EYS: variants seen among roughly 807,000 people sequenced by gnomAD.
EYS encodes protein eyes shut homolog.
Under a neutral mutation model 282.1 loss-of-function variants are expected in EYS, and 250 were observed. That is an observed-to-expected ratio of 0.89 (90% confidence interval 0.80 to 0.98). The LOEUF (loss-of-function observed/expected upper bound fraction) is 0.98, where lower values mean the gene tolerates loss of function less well. Ranked by LOEUF, EYS falls within the 50% of genes least tolerant of loss-of-function variation. The pLI is 0.00. For missense variants in EYS, 4,016 were observed against 3,709.0 expected, an observed-to-expected ratio of 1.08 and a Z score of -2.15; for synonymous variants, 1,355 against 1,282.9, an observed-to-expected ratio of 1.06 and a Z score of -1.20.
Position 64,933,692 on chromosome 6 carries a change from A to G in EYS, c.2381+12101T>C, listed in dbSNP as rs551480896. On this transcript the variant is annotated intron_variant, in intron 15 of 42. Transcript: ENST00000503581. ...TAAAAACACATCCACACGTATGTTT[A>G]TTGCAACACTGTTCACAAAGCAAAG... is the stretch of plus-strand genomic sequence containing the variant. Among the ~76,000 whole-genome samples the G allele has an allele frequency of 7.2e-5, 11 of 152,306 alleles. No individual in the cohort carries two copies. The South Asian group carries it at 1.7e-3, about 23-fold the overall frequency.
intron 29 of EYS, among the ~76,000 whole-genome samples, chr6:64,349,571 G>C (rs1171426865): frequency 6.6e-6 from 1 of 151,172 alleles, no homozygotes; most frequent in Non-Finnish European, 1.5e-5. Context: ...AAAATAAATA[G>C]AATCTTCTAT....
chr6:64,107,693 C>A (rs1773078232), intron 31 of EYS, among the ~76,000 whole-genome samples: 1 of 152,084 alleles, frequency 6.6e-6, no homozygotes, highest in Non-Finnish European at 1.5e-5. Flanking sequence ...TTAACCATCA[C>A]AGTGTCTTTT....
intron 32 of EYS, among the ~76,000 whole-genome samples, chr6:64,071,515 A>G (rs2149859615): frequency 6.6e-6 from 1 of 151,690 alleles, no homozygotes; most frequent in East Asian, 2.0e-4. Context: ...GTTACTACAT[A>G]AATTAATAAG....
intron 1 of EYS, among the ~76,000 whole-genome samples, chr6:65,668,366 C>T (rs1180449718): frequency 6.6e-6 from 1 of 151,840 alleles, no homozygotes; most frequent in Non-Finnish European, 1.5e-5. Context: ...CCTTGCACCT[C>T]ATTATTTTAT....
At chr6:64,957,432 G>A (rs578193726) in intron 14 of EYS, among the ~76,000 whole-genome samples, 1 of 152,134 alleles carries the variant, frequency 6.6e-6, no homozygotes, top group African/African-American at 2.4e-5. Context: ...AGGCTGGGAA[G>A]GGTAGTGGAT....
intron 5 of EYS, among the ~76,000 whole-genome samples, chr6:65,484,051 G>A (rs1207860446): frequency 6.6e-6 from 1 of 151,952 alleles, no homozygotes; most frequent in East Asian, 1.9e-4. Context: ...CATATCCGAT[G>A]GATAGATATA....
In EYS at chr6:63,901,168, G is replaced by C. The variant is rs944983510; in HGVS notation, c.7056-36810C>G. Among the ~76,000 whole-genome samples the C allele has an allele frequency of 2.6e-5, 4 of 152,244 alleles. No individual in the cohort carries two copies. The East Asian group carries it at 7.7e-4, about 29-fold the overall frequency. The stretch of plus-strand genomic sequence containing the variant: ...ACCACTTAGTGAATATAAAACCCCA[G>C]TGAAGAGTTAGAAATTATTTTAAAA... On this transcript the variant is annotated intron_variant, in intron 35 of 42. Transcript: ENST00000503581.
intron 22 of EYS, among the ~76,000 whole-genome samples, chr6:64,800,083 T>C (rs927822440): frequency 6.6e-6 from 1 of 152,144 alleles, no homozygotes; most frequent in Admixed American, 6.5e-5. Flanking sequence ...AGAAAACTTT[T>C]ATGGATAAAG....
intron 30 of EYS, among the ~76,000 whole-genome samples, chr6:64,270,587 G>C (rs1177947433): frequency 1.3e-5 from 2 of 152,090 alleles, no homozygotes; most frequent in African/African-American, 4.8e-5. Context: ...ATAAAGCTAA[G>C]ATATTGAAAA....
At chr6:65,182,843 C>T (rs2150234616) in intron 12 of EYS, among the ~76,000 whole-genome samples, 1 of 152,060 alleles carries the variant, frequency 6.6e-6, no homozygotes, top group South Asian at 2.1e-4. Flanking sequence ...GGCTGGAGTG[C>T]AGAGGCACAA....
chr6:63,864,260 G>A lies in EYS; in HGVS notation c.7154C>T (p.Thr2385Ile). ...CENNPCGNGA[T>I]CVPKSGTDIV... ...ATCTGTTCCGGATTTTGGAACACAG[G>A]TGGCACCATTTCCACATGGGTTGTT... Residue 2385 changes from threonine to isoleucine, a missense_variant, in exon 36 of 43, where the codon ACC becomes ATC. Transcript: ENST00000503581. 1.3e-6 allele frequency: 2 copies of A among 1,551,288 alleles called. No homozygotes were observed. Among genetic ancestry groups the A allele is most frequent in the Non-Finnish European group, 1.7e-6 (2 of 1,146,708 alleles).
At chr6:64,419,000 T>C (rs573286615) in intron 28 of EYS, among the ~76,000 whole-genome samples, 2 of 152,274 alleles carry the variant, frequency 1.3e-5, no homozygotes, top group South Asian at 4.1e-4. Context: ...GGGTGTCAGC[T>C]GAACTGGAAA....
chr6:65,274,224 G>A (rs1346602155), intron 12 of EYS, among the ~76,000 whole-genome samples: 1 of 152,172 alleles, frequency 6.6e-6, no homozygotes, highest in Non-Finnish European at 1.5e-5. Context: ...CAGGAAAACT[G>A]TAAACCAAAA....
chr6:65,641,658 A>C (rs1247717397), intron 1 of EYS, among the ~76,000 whole-genome samples: 1 of 152,118 alleles, frequency 6.6e-6, no homozygotes, highest in Admixed American at 6.5e-5. Flanking sequence ...GTTTTACTGC[A>C]CTCTTTTTAA....
At chr6:65,234,678 G>A (rs1410859809) in intron 12 of EYS, among the ~76,000 whole-genome samples, 1 of 152,126 alleles carries the variant, frequency 6.6e-6, no homozygotes, top group Non-Finnish European at 1.5e-5. Flanking sequence ...ATAATCCAAT[G>A]TAACAGATAG....
chr6:65,616,326 T>C (rs1050174528), intron 2 of EYS, among the ~76,000 whole-genome samples: 21 of 152,334 alleles, frequency 1.4e-4, no homozygotes, highest in African/African-American at 5.1e-4. Context: ...GTTCACTCTC[T>C]AGAAATTCAT....
intron 35 of EYS, among the ~76,000 whole-genome samples, chr6:63,978,224 A>G (rs1053703857): frequency 1.3e-5 from 2 of 152,028 alleles, no homozygotes; most frequent in Non-Finnish European, 2.9e-5. Context: ...AGGAAAAACT[A>G]TGAAATCATT....
intron 35 of EYS, among the ~76,000 whole-genome samples, chr6:63,967,748 A>T (rs901397979): frequency 1.3e-5 from 2 of 152,166 alleles, no homozygotes; most frequent in Non-Finnish European, 2.9e-5. Context: ...CAGCCTTCAC[A>T]TTCTCTCTTT....
At chr6:64,254,131 C>T (rs1052132788) in intron 30 of EYS, among the ~76,000 whole-genome samples, 13 of 152,128 alleles carry the variant, frequency 8.5e-5, no homozygotes, top group Admixed American at 8.5e-4. Flanking sequence ...AATTATTTGG[C>T]CTTTCTCGTG....
Sources: allele counts gnomAD v4.1 joint callset (sites outside exome capture counted in the v4.1 genomes callset), GRCh38; gene constraint gnomAD v4.1.1; transcripts MANE v1.5; gene names NCBI Gene and HGNC (gene_info 2026-07-23, HGNC 2026-07-21).